Variants in PTPN4 observed in about 807,000 individuals in gnomAD.
PTPN4 encodes protein tyrosine phosphatase non-receptor type 4.
PTPN4 carries 49 observed loss-of-function variants against 135.5 expected under a neutral mutation model. The observed-to-expected ratio is 0.36, with a 90% CI of 0.29 to 0.46. PTPN4 has a LOEUF of 0.46. Ranked by LOEUF, PTPN4 falls within the 20% of genes least tolerant of loss-of-function variation. The pLI is 1.00. For missense variants in PTPN4, 860 were observed against 1,101.0 expected, an observed-to-expected ratio of 0.78 and a Z score of 3.10; for synonymous variants, 333 against 369.9, an observed-to-expected ratio of 0.90 and a Z score of 1.14.
chr2:119,870,952 A>G (rs1009993773), intron 3 of PTPN4, among the ~76,000 whole-genome samples: 2 of 152,058 alleles, frequency 1.3e-5, no homozygotes, highest in Non-Finnish European at 2.9e-5. Context: ...ACTGAGGACA[A>G]AATACCAACT....
chr2:119,973,683 G>A (rs370613570), intron 26 of PTPN4, among the ~76,000 whole-genome samples: 1 of 13,396 alleles, frequency 7.5e-5, no homozygotes, highest in African/African-American at 3.7e-4. Flanking sequence ...TTTTTTTTTT[G>A]GTAATTTACT....
rs936679638 is a variant in PTPN4 at position 119,961,039 on chromosome 2, A to C, written c.2280+86A>C. Reference sequence around the variant, plus strand: ...GTAGTCAAAATATTCATATTTATTTAAGCCTTTGTAACCTTTAATCTTCTT... The same window carrying C: ...GTAGTCAAAATATTCATATTTATTTCAGCCTTTGTAACCTTTAATCTTCTT... On this transcript the variant is annotated intron_variant, in intron 23 of 26. Coordinates refer to ENST00000263708, the MANE Select transcript of PTPN4 (RefSeq NM_002830.4). 11 of 1,384,692 alleles carry C rather than the reference A, an allele frequency of 7.9e-6. No homozygotes were observed. In the African/African-American group the frequency reaches 1.6e-4, roughly 21 times the overall value. 85.8% of individuals were successfully genotyped at this position (1,384,692 alleles called of 1,614,324 possible).
intron 1 of PTPN4, among the ~76,000 whole-genome samples, chr2:119,761,939 A>C (rs1690514334): frequency 1.3e-5 from 2 of 152,172 alleles, no homozygotes; most frequent in Admixed American, 6.5e-5. Context: ...ATTTTCTAAC[A>C]TCTTAGCTTC....
chr2:119,828,863 T>C (rs2104961502), intron 2 of PTPN4, among the ~76,000 whole-genome samples: 1 of 152,330 alleles, frequency 6.6e-6, no homozygotes, highest in East Asian at 1.9e-4. Context: ...TATAGGATAG[T>C]AAATGCTAGG....
chr2:119,836,224 A>C (rs1677290204), intron 2 of PTPN4, among the ~76,000 whole-genome samples: 1 of 152,220 alleles, frequency 6.6e-6, no homozygotes, highest in African/African-American at 2.4e-5. Flanking sequence ...TGACGAATCA[A>C]GTTCATTATT....
chr2:119,802,309 A>G (rs1336267901), intron 1 of PTPN4, among the ~76,000 whole-genome samples: 1 of 152,204 alleles, frequency 6.6e-6, no homozygotes, highest in Non-Finnish European at 1.5e-5. Context: ...AGGGGAAAGC[A>G]TTCAGGCTTT....
At chr2:119,976,082 G>A (rs1231112798) in intron 26 of PTPN4, among the ~76,000 whole-genome samples, 2 of 149,324 alleles carry the variant, frequency 1.3e-5, no homozygotes, top group African/African-American at 4.9e-5. Context: ...TGCAAGCTCC[G>A]CCTCCCAGGT....
At position 119,777,478 on chromosome 2, in the gene PTPN4, A is replaced by G. The variant is rs142856279; in HGVS notation, c.-18+17094A>G. Among the ~76,000 whole-genome samples, 4 of 152,162 alleles carry G rather than the reference A, an allele frequency of 2.6e-5. No individual in the cohort carries two copies. In the East Asian group the frequency reaches 7.7e-4, roughly 29 times the overall value. Reference sequence around the variant, plus strand: ...GACCTTTATCTTGTTTTGTTTGTCGATATATTCATGTTGCTTCTTCCTGTC... The same window carrying G: ...GACCTTTATCTTGTTTTGTTTGTCGGTATATTCATGTTGCTTCTTCCTGTC... On this transcript the variant is annotated intron_variant, in intron 1 of 26. Transcript: ENST00000263708.
intron 2 of PTPN4, among the ~76,000 whole-genome samples, chr2:119,838,790 C>T (rs1295246805): frequency 6.6e-6 from 1 of 152,210 alleles, no homozygotes; most frequent in Admixed American, 6.5e-5. Flanking sequence ...ACTAAAAGCA[C>T]ATAAACTTTA....
chr2:119,828,640 A>G (rs1249943574), intron 2 of PTPN4, among the ~76,000 whole-genome samples: 1 of 152,214 alleles, frequency 6.6e-6, no homozygotes, highest in Non-Finnish European at 1.5e-5. Flanking sequence ...GGCTATAAGT[A>G]TGTATGCTCC....
intron 1 of PTPN4, among the ~76,000 whole-genome samples, chr2:119,768,438 T>TAA (rs1464494838): frequency 6.6e-6 from 1 of 152,200 alleles, no homozygotes; most frequent in African/African-American, 2.4e-5. Flanking sequence ...GTCATCACTT[T>TAA]TAGGGGGATA....
intron 18 of PTPN4, among the ~76,000 whole-genome samples, chr2:119,946,945 T>G (rs560775102): frequency 6.6e-6 from 1 of 152,292 alleles, no homozygotes; most frequent in South Asian, 2.1e-4. Flanking sequence ...TATGCACTCC[T>G]TTAAAATTTT....
At chr2:119,823,498 G>T (rs1343379684) in intron 2 of PTPN4, among the ~76,000 whole-genome samples, 4 of 152,208 alleles carry the variant, frequency 2.6e-5, no homozygotes. Flanking sequence ...CTCCTAAAGT[G>T]CTGGGATTAC....
intron 9 of PTPN4, among the ~76,000 whole-genome samples, chr2:119,896,635 GAGATATCCTAATATATTTTTGTTTTTATT>G (rs1341416229): frequency 6.6e-6 from 1 of 152,154 alleles, no homozygotes; most frequent in Non-Finnish European, 1.5e-5. Flanking sequence ...CAGCAAAATG[GAGATATCCTAATATATTTTTGTTTTTATT>G]TATTTGCTGG....
At chr2:119,862,757 A>G (rs1574376141) in intron 3 of PTPN4, 114 bp downstream of exon 3, 2 of 702,598 alleles carry the variant, frequency 2.8e-6, no homozygotes, top group Admixed American at 3.3e-5. Flanking sequence ...TTTTTACTTG[A>G]CTTAAATAGA....
At chr2:119,851,800 C>T (rs545131276) in intron 2 of PTPN4, among the ~76,000 whole-genome samples, 1 of 152,296 alleles carries the variant, frequency 6.6e-6, no homozygotes, top group African/African-American at 2.4e-5. Context: ...TCTGTCCCTG[C>T]CTCCGGCTGC....
At chr2:119,946,598 T>C (rs1323475564) in intron 18 of PTPN4, 24 bp downstream of exon 18, 3 of 1,500,416 alleles carry the variant, frequency 2.0e-6, no homozygotes, top group Non-Finnish European at 2.8e-6. Context: ...ATGTTTCAAA[T>C]AAATCCTGTT....
intron 19 of PTPN4, 94 bp downstream of exon 19, chr2:119,952,223 C>G: frequency 1.6e-6 from 2 of 1,228,476 alleles, no homozygotes; most frequent in Non-Finnish European, 1.1e-6. Context: ...AAACATAAGT[C>G]ACCTAAGTTT....
chr2:119,939,682 C>T (rs989500070), intron 15 of PTPN4, among the ~76,000 whole-genome samples: 2 of 152,084 alleles, frequency 1.3e-5, no homozygotes, highest in Non-Finnish European at 1.5e-5. Context: ...AATGAATCTC[C>T]GCAGCTTTGT....
Sources: allele counts gnomAD v4.1 joint callset (sites outside exome capture counted in the v4.1 genomes callset), GRCh38; gene constraint gnomAD v4.1.1; transcripts MANE v1.5; gene names NCBI Gene and HGNC (gene_info 2026-07-23, HGNC 2026-07-21).